Variants in PCGF6 observed in about 807,000 individuals in gnomAD.
PCGF6 encodes the protein polycomb group ring finger 6.
A neutral mutation model predicts 45.5 loss-of-function variants in PCGF6; 24 were observed. That is an observed-to-expected ratio of 0.53 (90% confidence interval 0.38 to 0.74). The LOEUF (loss-of-function observed/expected upper bound fraction) is 0.74, where lower values mean the gene tolerates loss of function less well. Among genes scored for constraint, PCGF6 ranks in the 30% least tolerant of loss-of-function variants. The pLI is 0.00. For missense variants in PCGF6, 356 were observed against 443.2 expected, an observed-to-expected ratio of 0.80 and a Z score of 1.77; for synonymous variants, 152 against 162.1, an observed-to-expected ratio of 0.94 and a Z score of 0.47.
chr10:103,330,082 TTG>T (rs1294237934), intron 7 of PCGF6, among the ~76,000 whole-genome samples: 2 of 151,752 alleles, frequency 1.3e-5, no homozygotes, highest in Non-Finnish European at 2.9e-5. Flanking sequence ...TTTTGTTTGT[TTG>T]TTTTTTTTTT....
Position 103,303,007 on chromosome 10 carries a change from A to G in PCGF6, c.*898T>C, listed in dbSNP as rs973681744. The G allele has an allele frequency of 6.6e-6, 1 of 152,656 alleles. No homozygotes were observed. The highest frequency in any genetic ancestry group is 2.4e-5 in the African/African-American group (1 of 41,470). The allele number at this position is 152,656 out of a possible 1,614,324, so 9.5% of individuals were successfully genotyped here. A position where few individuals can be genotyped will look rare whatever the true frequency, so the allele number is the denominator to read the frequency against. ...AATGTTTTAAAACTGAAGTCTTTGC[A>G]TGGAGGTGAGCTCAAACACCCTTAT... is the stretch of plus-strand genomic sequence containing the variant. On this transcript the variant is annotated 3_prime_UTR_variant, in exon 10 of 10. Transcript: ENST00000369847.
At chr10:103,314,986 T>G (rs1363055788) in intron 8 of PCGF6, among the ~76,000 whole-genome samples, 1 of 132,868 alleles carries the variant, frequency 7.5e-6, no homozygotes, top group Non-Finnish European at 1.6e-5. Flanking sequence ...AAAAAAATCA[T>G]TAAAAGGTAT....
chr10:103,350,589 C>T, intron 1 of PCGF6, 118 bp downstream of exon 1: 1 of 1,082,936 alleles, frequency 9.2e-7, no homozygotes, highest in Non-Finnish European at 1.2e-6. Flanking sequence ...GGGAGGTCCG[C>T]TCCAGTGCTC....
In PCGF6 at chr10:103,348,963, A is replaced by T; in HGVS notation, c.397T>A (p.Leu133Met). ...AAGTAACCTTTGCAAATGGAACACA[A>T]GATGTATGGGGTCAGCTCAGAGAGA... ...INLSELTPYILCSICKGYLID... is the reference protein window; with the variant it reads ...INLSELTPYIMCSICKGYLID... The change falls in exon 2 of 10, where the codon TTG becomes ATG. Residue 133 changes from leucine (L) to methionine (M), a missense_variant. Physicochemically the swap from Leu to Met is conservative, Grantham distance 15. Transcript: ENST00000369847. 1 of 1,613,988 alleles carries T rather than the reference A, an allele frequency of 6.2e-7. No homozygotes were observed. Among genetic ancestry groups the T allele is most frequent in the Non-Finnish European group, 8.5e-7 (1 of 1,179,856 alleles).
chr10:103,323,508 T>C (rs1014702641), intron 8 of PCGF6, among the ~76,000 whole-genome samples: 2 of 152,204 alleles, frequency 1.3e-5, no homozygotes, highest in Admixed American at 1.3e-4. Context: ...TTGGTCAGAC[T>C]GGTCTTGAAC....
intron 9 of PCGF6, among the ~76,000 whole-genome samples, chr10:103,311,440 CCT>C (rs749105756): frequency 6.6e-6 from 1 of 151,222 alleles, no homozygotes; most frequent in African/African-American, 2.4e-5. Flanking sequence ...CTGTGCCCGG[CCT>C]CTCTCTTTTT....
chr10:103,329,818 G>A (rs931519794), intron 7 of PCGF6, among the ~76,000 whole-genome samples: 7 of 148,678 alleles, frequency 4.7e-5, no homozygotes, highest in African/African-American at 1.8e-4. Flanking sequence ...TCGCTCTGTC[G>A]CCTGGGCTGC....
intron 6 of PCGF6, among the ~76,000 whole-genome samples, chr10:103,337,621 A>G (rs918611861): frequency 2.0e-5 from 3 of 152,160 alleles, no homozygotes; most frequent in African/African-American, 7.2e-5. Context: ...AACAAAAAGG[A>G]TAAGAGTCTA....
intron 9 of PCGF6, 57 bp from the exon 10 acceptor site, chr10:103,304,018 T>C (rs2093128534): frequency 7.1e-7 from 1 of 1,413,614 alleles, no homozygotes; most frequent in South Asian, 1.2e-5. Context: ...GTAATGCAAA[T>C]GATCAAGTCA....
At chr10:103,332,587 T>C (rs917228205) in intron 7 of PCGF6, among the ~76,000 whole-genome samples, 4 of 151,902 alleles carry the variant, frequency 2.6e-5, no homozygotes, top group African/African-American at 9.7e-5. Context: ...AATATTTCAA[T>C]TCATTCTCTA....
chr10:103,340,620 A>G (rs1313049195), intron 6 of PCGF6, among the ~76,000 whole-genome samples: 1 of 151,428 alleles, frequency 6.6e-6, no homozygotes, highest in Non-Finnish European at 1.5e-5. Context: ...TTTTTGAGAC[A>G]GGGTCTTGCT....
At chr10:103,325,842 C>G (rs955092975) in intron 8 of PCGF6, among the ~76,000 whole-genome samples, 3 of 131,358 alleles carry the variant, frequency 2.3e-5, no homozygotes, top group South Asian at 2.9e-4. Context: ...AAAAGCAAGA[C>G]CGCATCTCTT....
chr10:103,318,894 CA>C, intron 8 of PCGF6, among the ~76,000 whole-genome samples: 1 of 152,304 alleles, frequency 6.6e-6, no homozygotes, highest in East Asian at 1.9e-4. Context: ...GCTTTGTAAG[CA>C]GGCCCTTCTA....
At chr10:103,304,422 C>T (rs1020792325) in intron 9 of PCGF6, among the ~76,000 whole-genome samples, 1 of 152,126 alleles carries the variant, frequency 6.6e-6, no homozygotes, top group Non-Finnish European at 1.5e-5. Context: ...CTCACTGCAG[C>T]CTATGCCTCC....
intron 9 of PCGF6, 59 bp from the exon 10 acceptor site, chr10:103,304,020 A>C: frequency 7.1e-7 from 1 of 1,407,852 alleles, no homozygotes; most frequent in Non-Finnish European, 1.0e-6. Flanking sequence ...AATGCAAATG[A>C]TCAAGTCAAA....
intron 7 of PCGF6, among the ~76,000 whole-genome samples, chr10:103,333,051 G>A (rs1211247763): frequency 1.3e-5 from 2 of 151,408 alleles, no homozygotes; most frequent in Non-Finnish European, 2.9e-5. Context: ...CCCAGACGGC[G>A]GAAGTTGCAG....
intron 8 of PCGF6, among the ~76,000 whole-genome samples, chr10:103,318,731 G>C (rs938060719): frequency 1.3e-5 from 2 of 151,270 alleles, no homozygotes; most frequent in Admixed American, 1.3e-4. Context: ...GCGACAGAGC[G>C]AGACTCTGTC....
At chr10:103,339,703 T>C (rs917806846) in intron 6 of PCGF6, among the ~76,000 whole-genome samples, 2 of 149,412 alleles carry the variant, frequency 1.3e-5, no homozygotes, top group East Asian at 4.1e-4. Context: ...GGTGGCAGAA[T>C]TGCTTGAAAC....
At chr10:103,335,659 C>A (rs1002632382) in intron 6 of PCGF6, among the ~76,000 whole-genome samples, 5 of 151,214 alleles carry the variant, frequency 3.3e-5, no homozygotes, top group Non-Finnish European at 5.9e-5. Context: ...CGGTGCCCAG[C>A]AAAGTACTCT....
Sources: allele counts gnomAD v4.1 joint callset (sites outside exome capture counted in the v4.1 genomes callset), GRCh38; gene constraint gnomAD v4.1.1; transcripts MANE v1.5; gene names NCBI Gene and HGNC (gene_info 2026-07-23, HGNC 2026-07-21).